The following SACS variants were observed in gnomAD, a reference collection of about 807,000 sequenced individuals.
SACS encodes the protein sacsin molecular chaperone.
SACS carries 197 observed loss-of-function variants against 348.0 expected under a neutral mutation model. The observed-to-expected ratio is 0.57, with a 90% CI of 0.50 to 0.64. The LOEUF is 0.64. Among genes scored for constraint, SACS ranks in the 30% least tolerant of loss-of-function variants. The probability of loss-of-function intolerance (pLI) is 0.00; values close to 1 mark genes in which losing one functional copy is unlikely to be tolerated. For missense variants in SACS, 4,999 were observed against 5,360.8 expected (o/e 0.93, Z 2.11); for synonymous variants, 1,985 against 1,910.6 (o/e 1.04, Z -1.02).
chr13:23,338,818 G>A lies in SACS; in HGVS notation c.5058C>T (p.Phe1686=), dbSNP rs1036559026. The A allele has an allele frequency of 6.2e-7, 1 of 1,612,828 alleles. No individual in the cohort carries two copies. The highest frequency in any genetic ancestry group is 1.3e-5 in the African/African-American group (1 of 74,874). Residue 1686 remains phenylalanine, a synonymous_variant, in exon 10 of 10, where the codon TTC becomes TTT. Transcript: ENST00000382292. ...FSLCGHRLII[F]TQSVKSMYLK... is the part of the protein sequence containing the mutation. ...AATACATTGACTTTACACTCTGAGT[G>A]AAAATGATAAGCCTGTGTCCACAGA...
intron 4 of SACS, among the ~76,000 whole-genome samples, chr13:23,368,945 CA>C (rs372497746): frequency 6.6e-6 from 1 of 152,258 alleles, no homozygotes; most frequent in African/African-American, 2.4e-5. Context: ...GTGATCCGCC[CA>C]CCTTGGCCTC....
intron 1 of SACS, among the ~76,000 whole-genome samples, chr13:23,412,197 T>G (rs1873514997): frequency 6.6e-6 from 1 of 151,978 alleles, no homozygotes; most frequent in Admixed American, 6.6e-5. Context: ...AGGTGGAGCT[T>G]GCAGTGAGCC....
At chr13:23,381,350 A>G (rs903714900) in intron 2 of SACS, among the ~76,000 whole-genome samples, 4 of 104,800 alleles carry the variant, frequency 3.8e-5, no homozygotes, top group Admixed American at 1.0e-4. Flanking sequence ...CATGGGCAGC[A>G]CGAAGCACAC....
At chr13:23,412,538 T>C (rs1350151958) in intron 1 of SACS, among the ~76,000 whole-genome samples, 1 of 151,650 alleles carries the variant, frequency 6.6e-6, no homozygotes, top group Non-Finnish European at 1.5e-5. Flanking sequence ...CTCAGCCTCC[T>C]GAGTAGCTGG....
intron 2 of SACS, among the ~76,000 whole-genome samples, chr13:23,395,162 TC>T: frequency 7.8e-6 from 1 of 127,604 alleles, no homozygotes; most frequent in Non-Finnish European, 1.6e-5. Context: ...TGGGTCAGAG[TC>T]CTGGGCTTCC....
chr13:23,373,236 T>C (rs1175720388), intron 3 of SACS, among the ~76,000 whole-genome samples: 1 of 152,076 alleles, frequency 6.6e-6, no homozygotes, highest in Non-Finnish European at 1.5e-5. Flanking sequence ...GACAAACTGC[T>C]CCTTCACAAG....
chr13:23,403,383 G>C (rs1479370048), intron 2 of SACS, among the ~76,000 whole-genome samples: 1 of 152,066 alleles, frequency 6.6e-6, no homozygotes, highest in Non-Finnish European at 1.5e-5. Context: ...CTGCTCCTGG[G>C]CTTTTTTTGG....
chr13:23,421,738 G>A (rs1271462125), intron 1 of SACS, among the ~76,000 whole-genome samples: 1 of 151,966 alleles, frequency 6.6e-6, no homozygotes, highest in Non-Finnish European at 1.5e-5. Context: ...ATGTCCACTG[G>A]GAACTGGATG....
intron 2 of SACS, among the ~76,000 whole-genome samples, chr13:23,380,072 C>A (rs1871980344): frequency 6.6e-6 from 1 of 151,860 alleles, no homozygotes; most frequent in Non-Finnish European, 1.5e-5. Context: ...CCTCAACATC[C>A]TTCCTGCTCT....
At chr13:23,343,670 C>A (rs1411537431) in intron 9 of SACS, among the ~76,000 whole-genome samples, 1 of 152,104 alleles carries the variant, frequency 6.6e-6, no homozygotes, top group African/African-American at 2.4e-5. Flanking sequence ...GGCGACAGAG[C>A]AAGGCTCCGT....
intron 2 of SACS, among the ~76,000 whole-genome samples, chr13:23,389,527 C>T (rs1249954552): frequency 2.0e-5 from 3 of 152,208 alleles, no homozygotes; most frequent in Admixed American, 1.3e-4. Flanking sequence ...ACTAATTTTA[C>T]TTAATATGGT....
At chr13:23,365,635 T>G (rs1256387183) in intron 5 of SACS, among the ~76,000 whole-genome samples, 1 of 152,210 alleles carries the variant, frequency 6.6e-6, no homozygotes, top group South Asian at 2.1e-4. Context: ...TATCGTCCTG[T>G]GTGGCAGGTA....
chr13:23,339,153 G>A lies in SACS; in HGVS notation c.4723C>T (p.Arg1575Trp), dbSNP rs1426756976. The change falls in exon 10 of 10, where the codon CGG becomes TGG. Residue 1575 changes from arginine (R) to tryptophan (W), a missense_variant. Arg to Trp is a moderately radical substitution (Grantham distance 101). Around this residue, in one of 6 missense-constraint regions of SACS, gnomAD observed 3,156 missense variants for 3,380.1 expected, o/e 0.93. Transcript: ENST00000382292. ...GGATCGAACATTATCATGAATTCCC[G>A]ACTCATAATGATGGGAATGTCAGTG... Reference protein sequence around the residue: ...HITDIPIIMSREFMIMFDPNI... With the variant: ...HITDIPIIMSWEFMIMFDPNI... The A allele has an allele frequency of 1.1e-5, 17 of 1,611,588 alleles. No homozygotes were observed. Among genetic ancestry groups the A allele is most frequent in the Admixed American group, 1.7e-5 (1 of 59,828 alleles).
intron 6 of SACS, among the ~76,000 whole-genome samples, chr13:23,359,954 A>T (rs1006504897): frequency 6.6e-6 from 1 of 152,208 alleles, no homozygotes; most frequent in African/African-American, 2.4e-5. Context: ...AAAGTTGGAA[A>T]GTGCAAACAG....
chr13:23,338,536 T>G lies in SACS; in HGVS notation c.5340A>C (p.Pro1780=). ...GGTCATCATCTGGACCTCTAAAAAG[T>G]GGCGACTGTAAATCAGCAATCCTTC... ...VFRRIADLQS[P]LFRGPDDDPA... is the part of the protein sequence containing the mutation. Residue 1780 remains proline, a synonymous_variant, in exon 10 of 10, where the codon CCA becomes CCC. Transcript: ENST00000382292. 1.2e-6 allele frequency: 2 copies of G among 1,614,190 alleles called. No homozygotes were observed. Among genetic ancestry groups the G allele is most frequent in the Non-Finnish European group, 1.7e-6 (2 of 1,180,006 alleles).
rs199573269 is a variant in SACS, at chr13:23,337,906, G to A, written c.5970C>T (p.Asn1990=). The A allele has an allele frequency of 2.0e-5, 32 of 1,613,818 alleles. No individual in the cohort carries two copies. The highest frequency in any genetic ancestry group is 2.7e-5 in the African/African-American group (2 of 75,034). ...GTATAGAGTCATCTAGAAATCTTAC[G>A]TTCTTCATGGAAACCCAAGTAGATC... The part of the protein sequence containing the change: ...SDGSTWVSMK[N]VRFLDDSILK... Residue 1990 remains asparagine, a synonymous_variant, in exon 10 of 10, where the codon AAC becomes AAT. Coordinates refer to ENST00000382292, the MANE Select transcript of SACS (RefSeq NM_014363.6).
Position 23,329,821 on chromosome 13 carries a change from GACAT to G in SACS, c.*311_*314del. On this transcript the variant is annotated 3_prime_UTR_variant, in exon 10 of 10. Coordinates refer to ENST00000382292, the MANE Select transcript of SACS (RefSeq NM_014363.6). ...TAAAATTAACTTCATCCTAACCAGA[GACAT>G]ACATAGACTCTTATCTAACAAACTG... 2.1e-6 allele frequency: 1 copy of G among 479,814 alleles called. No individual in the cohort carries two copies. Among genetic ancestry groups the G allele is most frequent in the South Asian group, 2.6e-5 (1 of 39,178 alleles). The allele number at this position is 479,814 out of a possible 1,614,324, so 29.7% of individuals were successfully genotyped here.
chr13:23,336,633 G>C lies in SACS; in HGVS notation c.7243C>G (p.Gln2415Glu), dbSNP rs1187758230. The change falls in exon 10 of 10, where the codon CAA (glutamine) becomes GAA (glutamate). Residue 2415 changes from glutamine to glutamate, a missense_variant. By Grantham distance (29) the Gln-to-Glu change is conservative (BLOSUM62 2). This residue lies in a region of SACS where 3,156 missense variants were observed against 3,380.1 expected (regional missense o/e 0.93). Coordinates refer to ENST00000382292, the MANE Select transcript of SACS (RefSeq NM_014363.6). ...ESIDQERGTK[Q>E]ITEENFQLCR... is the part of the protein sequence containing the mutation. Reference sequence around the variant, plus strand: ...AGCTGAAAATTCTCTTCTGTTATTTGCTTTGTTCCTCTTTCTTGATCAATA... The same window carrying C: ...AGCTGAAAATTCTCTTCTGTTATTTCCTTTGTTCCTCTTTCTTGATCAATA... The C allele has an allele frequency of 2.5e-6, 4 of 1,613,666 alleles. No homozygotes were observed. Among genetic ancestry groups the C allele is most frequent in the African/African-American group, 1.3e-5 (1 of 74,978 alleles).
At chr13:23,403,738 A>G (rs1383450051) in intron 2 of SACS, among the ~76,000 whole-genome samples, 2 of 151,938 alleles carry the variant, frequency 1.3e-5, no homozygotes, top group South Asian at 2.1e-4. Context: ...TTGTGTCTCT[A>G]TCTCCTTCAG....
Sources: allele counts gnomAD v4.1 joint callset (sites outside exome capture counted in the v4.1 genomes callset), GRCh38; gene constraint gnomAD v4.1.1; regional missense constraint gnomAD v4.1.1; transcripts MANE v1.5; gene names NCBI Gene and HGNC (gene_info 2026-07-23, HGNC 2026-07-21).